Variants in GABRB3 observed in about 807,000 individuals in gnomAD.
GABRB3 encodes the protein gamma-aminobutyric acid type A receptor subunit beta3.
A neutral mutation model predicts 52.1 loss-of-function variants in GABRB3; 14 were observed. The ratio of observed to expected loss-of-function variants is 0.27; its 90% CI spans 0.18 to 0.42. The LOEUF (loss-of-function observed/expected upper bound fraction) is 0.42, where lower values mean the gene tolerates loss of function less well. Among genes scored for constraint, GABRB3 ranks in the 10% least tolerant of loss-of-function variants. GABRB3 has a pLI of 1.00. For synonymous variants in GABRB3, 260 were observed against 232.3 expected, an observed-to-expected ratio of 1.12 and a Z score of -1.08; for missense variants, 307 against 609.1, an observed-to-expected ratio of 0.50 and a Z score of 5.22.
At chr15:26,644,723 G>C (rs928915173) in intron 3 of GABRB3, among the ~76,000 whole-genome samples, 1 of 152,220 alleles carries the variant, frequency 6.6e-6, no homozygotes, top group Non-Finnish European at 1.5e-5. Context: ...GACAGTGACA[G>C]TCAGACATGG....
intron 3 of GABRB3, among the ~76,000 whole-genome samples, chr15:26,736,970 C>T (rs1212118346): frequency 6.6e-6 from 1 of 152,224 alleles, no homozygotes; most frequent in Admixed American, 6.5e-5. Context: ...GCTGGCAAAG[C>T]ACAGCCTTGT....
At chr15:26,672,406 T>G (rs1476833355) in intron 3 of GABRB3, among the ~76,000 whole-genome samples, 2 of 152,128 alleles carry the variant, frequency 1.3e-5, no homozygotes, top group Non-Finnish European at 2.9e-5. Context: ...AAGACCCACT[T>G]ATAGTTCCTG....
At chr15:26,572,427 A>G (rs1391224617) in intron 6 of GABRB3, among the ~76,000 whole-genome samples, 1 of 152,224 alleles carries the variant, frequency 6.6e-6, no homozygotes, top group Non-Finnish European at 1.5e-5. Flanking sequence ...GACCCAGCAG[A>G]GCCATTCAAG....
intron 3 of GABRB3, among the ~76,000 whole-genome samples, chr15:26,628,690 CA>C (rs990974294): frequency 3.4e-5 from 5 of 144,976 alleles, no homozygotes; most frequent in African/African-American, 7.4e-5. Flanking sequence ...AACAAAAAAA[CA>C]AAAAAACAAA....
intron 4 of GABRB3, among the ~76,000 whole-genome samples, chr15:26,611,540 C>T (rs1402727893): frequency 1.3e-5 from 2 of 152,076 alleles, no homozygotes; most frequent in Non-Finnish European, 2.9e-5. Context: ...CAGATTTGAT[C>T]TCAAAGTTGT....
At chr15:26,757,275 T>A (rs1021156609) in intron 3 of GABRB3, among the ~76,000 whole-genome samples, 1 of 152,128 alleles carries the variant, frequency 6.6e-6, no homozygotes, top group Non-Finnish European at 1.5e-5. Context: ...CAGAAACTCA[T>A]CCCTTTCTTC....
At chr15:26,701,128 G>A (rs1937199606) in intron 3 of GABRB3, among the ~76,000 whole-genome samples, 2 of 152,040 alleles carry the variant, frequency 1.3e-5, no homozygotes, top group South Asian at 2.1e-4. Flanking sequence ...CAGAGCATCT[G>A]TGAAACAACT....
chr15:26,665,405 T>A (rs757544125), intron 3 of GABRB3, among the ~76,000 whole-genome samples: 1 of 152,242 alleles, frequency 6.6e-6, no homozygotes, highest in Non-Finnish European at 1.5e-5. Context: ...ATTACCAAAC[T>A]GTTATTTGTA....
At chr15:26,725,061 C>G (rs527428695) in intron 3 of GABRB3, among the ~76,000 whole-genome samples, 46 of 152,304 alleles carry the variant, frequency 3.0e-4, no homozygotes, top group African/African-American at 1.1e-3. Flanking sequence ...CTTTCTTGAA[C>G]ACAATGCCAT....
At chr15:26,685,746 C>T (rs1004431989) in intron 3 of GABRB3, among the ~76,000 whole-genome samples, 1 of 149,546 alleles carries the variant, frequency 6.7e-6, no homozygotes. Flanking sequence ...GAAAGACCCG[C>T]AAATGTACAG....
At chr15:26,716,022 A>T (rs1340023389) in intron 3 of GABRB3, among the ~76,000 whole-genome samples, 1 of 152,222 alleles carries the variant, frequency 6.6e-6, no homozygotes, top group Non-Finnish European at 1.5e-5. Context: ...TAGAATGAAA[A>T]GCTGAGCCAT....
At chr15:26,617,919 C>A (rs1227014697) in intron 4 of GABRB3, among the ~76,000 whole-genome samples, 1 of 151,786 alleles carries the variant, frequency 6.6e-6, no homozygotes, top group African/African-American at 2.4e-5. Flanking sequence ...TTCACAATTG[C>A]TTCAAAGAGA....
intron 3 of GABRB3, among the ~76,000 whole-genome samples, chr15:26,765,166 T>C (rs917172709): frequency 6.8e-6 from 1 of 146,028 alleles, no homozygotes; most frequent in Non-Finnish European, 1.5e-5. Flanking sequence ...CCCTATAATA[T>C]ACGAAAGCTC....
Position 26,594,924 on chromosome 15 carries a change from A to G in GABRB3, c.462-11510T>C, listed in dbSNP as rs184927915. 5.3e-5 allele frequency among the ~76,000 whole-genome samples: 8 copies of G among 152,346 alleles called. No homozygotes were observed. In the East Asian group the frequency reaches 1.5e-3, roughly 29 times the overall value. On this transcript the variant is annotated intron_variant, in intron 4 of 8. Coordinates refer to ENST00000311550, the MANE Select transcript of GABRB3 (RefSeq NM_000814.6). ...CTTTCTCAGTCTTTGCAGACTGCCTATGTGCTAGGGCACACTTTCCTCTAA... is the reference window on the plus strand; with the variant it reads ...CTTTCTCAGTCTTTGCAGACTGCCTGTGTGCTAGGGCACACTTTCCTCTAA...
At chr15:26,670,442 C>T (rs1243257357) in intron 3 of GABRB3, among the ~76,000 whole-genome samples, 1 of 152,136 alleles carries the variant, frequency 6.6e-6, no homozygotes, top group Non-Finnish European at 1.5e-5. Flanking sequence ...GCGCGGGAGG[C>T]TGGGCGCAGA....
intron 3 of GABRB3, among the ~76,000 whole-genome samples, chr15:26,691,129 A>G (rs532128217): frequency 1.8e-4 from 27 of 151,898 alleles, no homozygotes; most frequent in Middle Eastern, 3.4e-3. Flanking sequence ...CTCAGCTGGT[A>G]CTGAGACACT....
chr15:26,629,195 C>T, intron 3 of GABRB3: 2 of 1,450,736 alleles, frequency 1.4e-6, no homozygotes, highest in African/African-American at 1.4e-5. Flanking sequence ...GAGGGCTTTG[C>T]GAAGCGGCGG....
At chr15:26,623,981 A>C (rs1892584166) in intron 3 of GABRB3, among the ~76,000 whole-genome samples, 1 of 152,216 alleles carries the variant, frequency 6.6e-6, no homozygotes, top group Admixed American at 6.5e-5. Flanking sequence ...CTAAATAATA[A>C]TAAAACCTCC....
At chr15:26,663,163 G>A (rs766182410) in intron 3 of GABRB3, among the ~76,000 whole-genome samples, 4 of 152,126 alleles carry the variant, frequency 2.6e-5, no homozygotes, top group Non-Finnish European at 4.4e-5. Flanking sequence ...ACCGTTCATT[G>A]TGACAGGCCT....
Sources: allele counts gnomAD v4.1 joint callset (sites outside exome capture counted in the v4.1 genomes callset), GRCh38; gene constraint gnomAD v4.1.1; transcripts MANE v1.5; gene names NCBI Gene and HGNC (gene_info 2026-07-23, HGNC 2026-07-21).